The following KCNQ1 variants were observed in gnomAD, a reference collection of about 807,000 sequenced individuals.
The protein encoded by KCNQ1 is potassium voltage-gated channel subfamily Q member 1, also known as potassium voltage-gated channel subfamily KQT member 1.
A neutral mutation model predicts 72.4 loss-of-function variants in KCNQ1; 49 were observed. The ratio of observed to expected loss-of-function variants is 0.68; its 90% confidence interval spans 0.54 to 0.86. The LOEUF (loss-of-function observed/expected upper bound fraction) is 0.86, where lower values mean the gene tolerates loss of function less well. Ranked by LOEUF, KCNQ1 falls within the 40% of genes least tolerant of loss-of-function variation. KCNQ1 has a pLI of 0.00. For missense variants in KCNQ1, 790 were observed against 945.1 expected (o/e 0.84, Z 2.15); for synonymous variants, 450 against 412.6 (o/e 1.09, Z -1.10).
intron 11 of KCNQ1, chr11:2,686,371 C>G (rs955008422): frequency 2.5e-6 from 1 of 398,586 alleles, no homozygotes; most frequent in Non-Finnish European, 4.4e-6. Flanking sequence ...TTGGGCTTAT[C>G]AGCAGAGCCA....
rs576660591 is a variant in KCNQ1, at chr11:2,734,499, G to A, written c.1515-34345G>A. ...TCCTTGGTGATGGGCAGAATGTGGG[G>A]AGCAGGGTAGGACGGGCCCCTTGGC... On this transcript the variant is annotated intron_variant, in intron 11 of 15. Transcript: ENST00000155840. The surrounding 1 kb of genome is among the most constrained non-coding windows in gnomAD (Gnocchi z 7.0). Among the ~76,000 whole-genome samples the A allele has an allele frequency of 2.2e-4, 33 of 152,336 alleles. No individual in the cohort carries two copies. The East Asian group carries it at 5.2e-3, about 24-fold the overall frequency.
rs1849796212 is a variant in KCNQ1 at position 2,653,926 on chromosome 11, G to A, written c.1394-8035G>A. ...TTGAGAAGCTGTTCCCAGAAGCCAG[G>A]CCTGGCTGCTGGCAGGCAAAAACAA... On this transcript the variant is annotated intron_variant, in intron 10 of 15. Transcript: ENST00000155840. The surrounding 1 kb of genome is among the most constrained non-coding windows in gnomAD (Gnocchi z 5.3). The A allele has an allele frequency of 2.5e-6, 1 of 398,620 alleles. No individual in the cohort carries two copies. The highest frequency in any genetic ancestry group is 2.1e-5 in the African/African-American group (1 of 48,642). 24.7% of individuals were successfully genotyped at this position (398,620 alleles called of 1,614,324 possible).
Position 2,659,035 on chromosome 11 carries a change from ACTG to A in KCNQ1, c.1394-2923_1394-2921del. On this transcript the variant is annotated intron_variant, in intron 10 of 15. Transcript: ENST00000155840. This position sits in a 1 kb window ranked among gnomAD's most constrained non-coding sequence, Gnocchi z 4.3. The stretch of plus-strand genomic sequence containing the variant: ...CAGCTCCTCCTCCTCCTTTCCTTTC[ACTG>A]CTATGTCATTTGTTTGTAACACGCT... 1 of 398,340 alleles carries A rather than the reference ACTG, an allele frequency of 2.5e-6. No individual in the cohort carries two copies. The highest frequency in any genetic ancestry group is 4.4e-6 in the Non-Finnish European group (1 of 226,012). 24.7% of individuals were successfully genotyped at this position (398,340 alleles called of 1,614,324 possible).
rs1266810028 is a variant in KCNQ1 at position 2,515,978 on chromosome 11, C to G, written c.387-11950C>G. ...CCATGGCTGCAGTGACAGCCCAGACCCCAGGGGCCGGGCATCCCACAGCTC... is the reference window on the plus strand; with the variant it reads ...CCATGGCTGCAGTGACAGCCCAGACGCCAGGGGCCGGGCATCCCACAGCTC... On this transcript the variant is annotated intron_variant, in intron 1 of 15. Coordinates refer to ENST00000155840, the MANE Select transcript of KCNQ1 (RefSeq NM_000218.3). The surrounding 1 kb of genome is among the most constrained non-coding windows in gnomAD (Gnocchi z 4.7). Among the ~76,000 whole-genome samples, 1 of 151,920 alleles carries G rather than the reference C, an allele frequency of 6.6e-6. No homozygotes were observed. Among genetic ancestry groups the G allele is most frequent in the African/African-American group, 2.4e-5 (1 of 41,340 alleles).
At chr11:2,629,493 A>C in intron 10 of KCNQ1, 1 of 398,380 alleles carries the variant, frequency 2.5e-6, no homozygotes, top group Non-Finnish European at 4.4e-6. Context: ...GTCCACTTTG[A>C]GTTAATTTTT....
rs577237021 is a variant in KCNQ1, at chr11:2,774,416, C to T, written c.1591-1544C>T. Among the ~76,000 whole-genome samples the T allele has an allele frequency of 3.3e-5, 5 of 152,296 alleles. No individual in the cohort carries two copies. In the South Asian group the frequency reaches 1.0e-3, roughly 32 times the overall value. On this transcript the variant is annotated intron_variant, in intron 12 of 15. Transcript: ENST00000155840. ...CACAGCTGTGTTGTGAGGACACGGG[C>T]CCCATCCCAGCCCTCCTGATCTCAG... is the stretch of plus-strand genomic sequence containing the variant.
chr11:2,686,481 A>T (rs1850491885), intron 11 of KCNQ1: 2 of 398,346 alleles, frequency 5.0e-6, no homozygotes, highest in Non-Finnish European at 8.8e-6. Context: ...CCCAACAGAT[A>T]CCCCCACCCT....
In KCNQ1 at chr11:2,475,305, C is replaced by T. The variant is rs564608311; in HGVS notation, c.386+29821C>T. ...CTTCACTGTCCGCCGTGTTATAACA[C>T]GCAAGGGAATTCCCTTCCTTTCTGA... On this transcript the variant is annotated intron_variant, in intron 1 of 15. Transcript: ENST00000155840. The surrounding 1 kb of genome is among the most constrained non-coding windows in gnomAD (Gnocchi z 5.8). Among the ~76,000 whole-genome samples the T allele has an allele frequency of 6.6e-5, 10 of 152,166 alleles. No homozygotes were observed. Among genetic ancestry groups the T allele is most frequent in the Admixed American group, 5.2e-4 (8 of 15,270 alleles).
At chr11:2,777,775 C>A (rs1464125141) in intron 14 of KCNQ1, 8 of 636,118 alleles carry the variant, frequency 1.3e-5, no homozygotes, top group Middle Eastern at 2.6e-4. Context: ...GAGCCCAGGT[C>A]CCCAGCTGCA....
chr11:2,644,548 A>G (rs746462740), intron 10 of KCNQ1: 18 of 398,230 alleles, frequency 4.5e-5, no homozygotes, highest in Non-Finnish European at 4.0e-5. Flanking sequence ...TCAAGGTTTC[A>G]TCAATTTCTT....
intron 1 of KCNQ1, among the ~76,000 whole-genome samples, chr11:2,490,953 G>A (rs954220238): frequency 5.3e-5 from 8 of 152,106 alleles, no homozygotes; most frequent in Non-Finnish European, 5.9e-5. Context: ...TGATCTGCCC[G>A]CCTCGGCCTC....
chr11:2,521,221 C>G (rs1333564189), intron 1 of KCNQ1, among the ~76,000 whole-genome samples: 1 of 152,126 alleles, frequency 6.6e-6, no homozygotes, highest in East Asian at 1.9e-4. Context: ...ATCCCACTCC[C>G]TCTCCCCGGC....
In KCNQ1 at chr11:2,482,488, A is replaced by G. The variant is rs571836233; in HGVS notation, c.386+37004A>G. On this transcript the variant is annotated intron_variant, in intron 1 of 15. Transcript: ENST00000155840. The surrounding 1 kb of genome is among the most constrained non-coding windows in gnomAD (Gnocchi z 5.7). ...GTACACTCATTTTTGCCTGGAACTCAAGATTATTTCCTTGGGTCACATTTG... is the reference window on the plus strand; with the variant it reads ...GTACACTCATTTTTGCCTGGAACTCGAGATTATTTCCTTGGGTCACATTTG... Among the ~76,000 whole-genome samples, 2 of 152,122 alleles carry G rather than the reference A, an allele frequency of 1.3e-5. No homozygotes were observed. The highest frequency in any genetic ancestry group is 4.1e-4 in the South Asian group (2 of 4,822).
In KCNQ1 at chr11:2,813,282, G is replaced by T. The variant is rs1452582440; in HGVS notation, c.1795-34485G>T. Among the ~76,000 whole-genome samples, 1 of 152,212 alleles carries T rather than the reference G, an allele frequency of 6.6e-6. No individual in the cohort carries two copies. The highest frequency in any genetic ancestry group is 1.5e-5 in the Non-Finnish European group (1 of 68,040). Reference sequence around the variant, plus strand: ...GGTCACTGATGGCCTCAGGATGCCAGCAGGCCCTCTGATGCCCAGGGCTCA... The same window carrying T: ...GGTCACTGATGGCCTCAGGATGCCATCAGGCCCTCTGATGCCCAGGGCTCA... On this transcript the variant is annotated intron_variant, in intron 15 of 15. Coordinates refer to ENST00000155840, the MANE Select transcript of KCNQ1 (RefSeq NM_000218.3). The surrounding 1 kb of genome is among the most constrained non-coding windows in gnomAD (Gnocchi z 4.4).
At chr11:2,700,267 C>T (rs991173815) in intron 11 of KCNQ1, among the ~76,000 whole-genome samples, 4 of 152,086 alleles carry the variant, frequency 2.6e-5, no homozygotes, top group Admixed American at 1.3e-4. Context: ...CCTGCCCCCA[C>T]CCGTCGTCCC....
intron 2 of KCNQ1, among the ~76,000 whole-genome samples, chr11:2,546,837 T>C (rs911761871): frequency 6.6e-6 from 1 of 152,234 alleles, no homozygotes; most frequent in African/African-American, 2.4e-5. Flanking sequence ...AACACATTTG[T>C]CATTATGAAA....
chr11:2,697,362 C>T, intron 11 of KCNQ1: 1 of 398,594 alleles, frequency 2.5e-6, no homozygotes, highest in Non-Finnish European at 4.4e-6. Flanking sequence ...CACTTCCTAC[C>T]TGATCCTCAC....
At chr11:2,649,760 T>C (rs1322099181) in intron 10 of KCNQ1, 5 of 398,496 alleles carry the variant, frequency 1.3e-5, no homozygotes, top group Non-Finnish European at 2.2e-5. Context: ...TTGATGAAAA[T>C]GTGCCTCAGA....
rs1486168846 is a variant in KCNQ1 at position 2,608,930 on chromosome 11, C to T, written c.1393+20076C>T. On this transcript the variant is annotated intron_variant, in intron 10 of 15. Coordinates refer to ENST00000155840, the MANE Select transcript of KCNQ1 (RefSeq NM_000218.3). This position sits in a 1 kb window ranked among gnomAD's most constrained non-coding sequence, Gnocchi z 4.6. The stretch of plus-strand genomic sequence containing the variant: ...TTTCTTCCTCCCCTTCTTTTCTTCT[C>T]CCTCTCCCTCTCTCTTACCAATCTA... 2.5e-6 allele frequency: 1 copy of T among 398,240 alleles called. No individual in the cohort carries two copies. Among genetic ancestry groups the T allele is most frequent in the Non-Finnish European group, 4.4e-6 (1 of 226,040 alleles). 24.7% of individuals were successfully genotyped at this position (398,240 alleles called of 1,614,324 possible).
Sources: gnomAD v4.1 joint callset for allele counts (sites outside exome capture counted in the v4.1 genomes callset) on GRCh38, gnomAD v4.1.1 for gene constraint, Gnocchi (gnomAD v3.1) non-coding constraint, MANE v1.5 for transcripts, NCBI Gene and HGNC (gene_info 2026-07-23, HGNC 2026-07-21) for gene names.